SLC13A3: variants seen among roughly 807,000 people sequenced by gnomAD.
SLC13A3 encodes solute carrier family 13 member 3.
A neutral mutation model predicts 59.0 loss-of-function variants in SLC13A3; 40 were observed. The ratio of observed to expected loss-of-function variants is 0.68; its 90% CI spans 0.53 to 0.88. The LOEUF (loss-of-function observed/expected upper bound fraction) is 0.88. SLC13A3 is among the 40% of genes least tolerant of loss of function. The pLI is 0.00. For synonymous variants in SLC13A3, 317 were observed against 330.3 expected (o/e 0.96, Z 0.44); for missense variants, 699 against 783.2 (o/e 0.89, Z 1.28).
chr20:46,629,420 G>A (rs942201218), intron 1 of SLC13A3, among the ~76,000 whole-genome samples: 1 of 152,144 alleles, frequency 6.6e-6, no homozygotes, highest in African/African-American at 2.4e-5. Flanking sequence ...AAGACAGTAA[G>A]CTCTTTCAAC....
At chr20:46,574,860 T>C (rs2062059694) in intron 10 of SLC13A3, among the ~76,000 whole-genome samples, 1 of 145,918 alleles carries the variant, frequency 6.9e-6, no homozygotes, top group African/African-American at 2.5e-5. Context: ...TTCTTAGAGA[T>C]GAGGTCTCGC....
intron 1 of SLC13A3, among the ~76,000 whole-genome samples, chr20:46,639,564 T>C (rs1224098601): frequency 6.6e-6 from 1 of 152,136 alleles, no homozygotes; most frequent in Admixed American, 6.5e-5. Flanking sequence ...AGTTCTTGTC[T>C]CCATAAACTC....
intron 9 of SLC13A3, 82 bp from the exon 10 acceptor site, chr20:46,575,767 C>A: frequency 1.3e-6 from 1 of 771,602 alleles, no homozygotes; most frequent in Non-Finnish European, 2.0e-6. Flanking sequence ...CCCATCTTAC[C>A]GGGGACACTC....
At chr20:46,648,464 C>T (rs748346671) in intron 1 of SLC13A3, among the ~76,000 whole-genome samples, 1 of 152,126 alleles carries the variant, frequency 6.6e-6, no homozygotes, top group Non-Finnish European at 1.5e-5. Context: ...CTCCAAAGAG[C>T]CAGGCCTGCC....
chr20:46,582,449 TTA>T lies in SLC13A3; in HGVS notation c.1219+1121_1219+1122del, dbSNP rs200808481. Among the ~76,000 whole-genome samples, 670 of 131,884 alleles carry T rather than the reference TTA, an allele frequency of 5.1e-3. 6 individuals carry two copies. The highest frequency in any genetic ancestry group is 0.019 in the African/African-American group (604 of 31,264). 86.5% of individuals were successfully genotyped at this position (131,884 alleles called of 152,430 possible). On this transcript the variant is annotated intron_variant, in intron 9 of 12. Transcript: ENST00000279027. ...AGCCTGCTACAATTTTTTTTTTTTT[TTA>T]AATTAGCCAAGCGAGGTGGCTCACA...
In SLC13A3 at chr20:46,649,048, G is replaced by A. The variant is rs899697910; in HGVS notation, c.111+2263C>T. Among the ~76,000 whole-genome samples, 67 of 151,946 alleles carry A rather than the reference G, an allele frequency of 4.4e-4. 1 individual carries two copies. The highest frequency in any genetic ancestry group is 7.3e-5 in the African/African-American group (3 of 41,328). Reference sequence around the variant, plus strand: ...AGTCACCTAACCCCGCTGAGTTTCCGTTTCTTCACCTGTCAAATAGGGATG... The same window carrying A: ...AGTCACCTAACCCCGCTGAGTTTCCATTTCTTCACCTGTCAAATAGGGATG... On this transcript the variant is annotated intron_variant, in intron 1 of 12. Coordinates refer to ENST00000279027, the MANE Select transcript of SLC13A3 (RefSeq NM_022829.6).
chr20:46,583,939 C>A (rs2062165377), intron 8 of SLC13A3: 1 of 985,332 alleles, frequency 1.0e-6, no homozygotes, highest in Non-Finnish European at 1.2e-6. Context: ...GGGACTTGAC[C>A]AAAGAGGGGA....
At chr20:46,638,127 G>C (rs1200889123) in intron 1 of SLC13A3, among the ~76,000 whole-genome samples, 2 of 152,174 alleles carry the variant, frequency 1.3e-5, no homozygotes, top group African/African-American at 4.8e-5. Context: ...CCACGATTCT[G>C]GTCCCAGACA....
rs140987936 is a variant in SLC13A3 at position 46,617,749 on chromosome 20, C to T, written c.112-4024G>A. Among the ~76,000 whole-genome samples the T allele has an allele frequency of 8.7e-4, 132 of 152,306 alleles. 1 individual carries two copies. The East Asian group carries it at 0.02, about 23-fold the overall frequency. On this transcript the variant is annotated intron_variant, in intron 1 of 12. Transcript: ENST00000279027. ...TGTGGGCCTCCAGGCAGAAGAACAT[C>T]CATGTATCACCCCCTGGGCCAGGAA...
chr20:46,609,177 A>G, intron 3 of SLC13A3: 1 of 1,408,368 alleles, frequency 7.1e-7, no homozygotes, highest in Non-Finnish European at 9.3e-7. Flanking sequence ...AGACATTTTA[A>G]AGTGACATGA....
At position 46,574,864 on chromosome 20, in the gene SLC13A3, G is replaced by T. The variant is rs1865127193; in HGVS notation, c.1332+709C>A. On this transcript the variant is annotated intron_variant, in intron 10 of 12. Transcript: ENST00000279027. ...CTTTTTTTTTTTTCTTAGAGATGAG[G>T]TCTCGCTCTGTCACCCAGGCTGGAG... is the stretch of plus-strand genomic sequence containing the variant. Among the ~76,000 whole-genome samples, 3 of 149,120 alleles carry T rather than the reference G, an allele frequency of 2.0e-5. No individual in the cohort carries two copies. The South Asian group carries it at 6.4e-4, about 32-fold the overall frequency.
chr20:46,671,162 G>C (rs1184360325), upstream of SLC13A3, among the ~76,000 whole-genome samples: 1 of 152,142 alleles, frequency 6.6e-6, no homozygotes, highest in African/African-American at 2.4e-5. Context: ...TCAGCAAACA[G>C]TGCCACTTTA....
intron 1 of SLC13A3, among the ~76,000 whole-genome samples, chr20:46,677,431 GAAAGT>G (rs1015881573): frequency 1.2e-3 from 176 of 152,206 alleles, no homozygotes; most frequent in African/African-American, 4.2e-3. Flanking sequence ...ATTATATTTT[GAAAGT>G]AAAGCTGGCA....
chr20:46,628,551 C>T (rs1384973680), intron 1 of SLC13A3, among the ~76,000 whole-genome samples: 2 of 152,032 alleles, frequency 1.3e-5, no homozygotes, highest in African/African-American at 2.4e-5. Flanking sequence ...ACCCTAGAGG[C>T]CAGATTCTGG....
intron 4 of SLC13A3, 68 bp from the exon 5 acceptor site, chr20:46,596,410 T>C: frequency 6.9e-7 from 1 of 1,442,540 alleles, no homozygotes. Flanking sequence ...GCCTGGGAGT[T>C]GGGGAGCTAA....
At chr20:46,587,383 A>G (rs1568922355) in intron 8 of SLC13A3, among the ~76,000 whole-genome samples, 1 of 152,186 alleles carries the variant, frequency 6.6e-6, no homozygotes, top group South Asian at 2.1e-4. Flanking sequence ...ACCAAAATGC[A>G]TAACATGCCC....
chr20:46,583,430 C>G, intron 9 of SLC13A3, 142 bp downstream of exon 9: 1 of 1,445,790 alleles, frequency 6.9e-7, no homozygotes, highest in Non-Finnish European at 9.0e-7. Flanking sequence ...AGTCCCCAGA[C>G]AAGGCAATGG....
chr20:46,652,388 G>C (rs747098253), upstream of SLC13A3, among the ~76,000 whole-genome samples: 1 of 150,790 alleles, frequency 6.6e-6, no homozygotes, highest in African/African-American at 2.4e-5. Flanking sequence ...TTATTTTTGG[G>C]TTTTTTTTTC....
upstream of SLC13A3, among the ~76,000 whole-genome samples, chr20:46,673,140 T>C (rs1205283761): frequency 6.6e-6 from 1 of 152,116 alleles, no homozygotes. Context: ...AACTACATCA[T>C]AGGTTTATGA....
Sources: allele counts gnomAD v4.1 joint callset (sites outside exome capture counted in the v4.1 genomes callset), GRCh38; gene constraint gnomAD v4.1.1; transcripts MANE v1.5; gene names NCBI Gene and HGNC (gene_info 2026-07-23, HGNC 2026-07-21).